LAMB4: variants seen among roughly 807,000 people sequenced by gnomAD.
LAMB4 encodes the protein laminin subunit beta-4.
A neutral mutation model predicts 199.2 loss-of-function variants in LAMB4; 196 were observed. That is an observed-to-expected ratio of 0.98 (90% CI 0.88 to 1.11). LAMB4 has a LOEUF of 1.11. Among genes scored for constraint, LAMB4 ranks in the 50% least tolerant of loss-of-function variants. LAMB4 has a pLI of 0.00. For synonymous variants in LAMB4, 744 were observed against 770.6 expected (o/e 0.97, Z 0.57); for missense variants, 2,080 against 2,171.2 (o/e 0.96, Z 0.83).
chr7:108,084,646 C>A (rs2037093890), intron 14 of LAMB4, among the ~76,000 whole-genome samples: 1 of 152,064 alleles, frequency 6.6e-6, no homozygotes, highest in African/African-American at 2.4e-5. Context: ...AAAGTGAGTG[C>A]AAGGTAAGTG....
chr7:108,106,033 TAAAG>T lies in LAMB4; in HGVS notation c.656-6_656-3del. ...TCAGGTTTGTCAATGTCACAAGGTCTAAAGAAAGGAAAATAATGAATCAAAGTGA... is the reference window on the plus strand; with the variant it reads ...TCAGGTTTGTCAATGTCACAAGGTCTAAAGGAAAATAATGAATCAAAGTGA... On this transcript the variant is annotated splice_region_variant and splice_polypyrimidine_tract_variant and intron_variant, in intron 7 of 33. Transcript: ENST00000388781. The T allele has an allele frequency of 6.2e-7, 1 of 1,609,678 alleles. No individual in the cohort carries two copies. Among genetic ancestry groups the T allele is most frequent in the Non-Finnish European group, 8.5e-7 (1 of 1,176,038 alleles).
chr7:108,110,630 G>T (rs1199758192), intron 4 of LAMB4, among the ~76,000 whole-genome samples: 2 of 152,152 alleles, frequency 1.3e-5, no homozygotes, highest in Non-Finnish European at 2.9e-5. Context: ...AAGGTGCTTG[G>T]TTGAGAATCC....
At chr7:108,050,275 C>G (rs1031753978) in intron 26 of LAMB4, among the ~76,000 whole-genome samples, 1 of 152,126 alleles carries the variant, frequency 6.6e-6, no homozygotes, top group Non-Finnish European at 1.5e-5. Flanking sequence ...TACTATACTT[C>G]CCATCAATTT....
Position 108,023,968 on chromosome 7 carries a change from C to T in LAMB4, c.*71G>A. The T allele has an allele frequency of 7.4e-7, 1 of 1,350,706 alleles. No individual in the cohort carries two copies. Among genetic ancestry groups the T allele is most frequent in the Non-Finnish European group, 1.0e-6 (1 of 996,824 alleles). The allele number at this position is 1,350,706 out of a possible 1,614,324, so 83.7% of individuals were successfully genotyped here. On this transcript the variant is annotated 3_prime_UTR_variant, in exon 34 of 34. Coordinates refer to ENST00000388781, the MANE Select transcript of LAMB4 (RefSeq NM_007356.3). ...AGACATTGTCAGTATTTCACAGGTT[C>T]AACAGAGCCCCAGGGGCTTGTACAT... is the stretch of plus-strand genomic sequence containing the variant.
chr7:108,078,143 G>C, intron 16 of LAMB4, 58 bp downstream of exon 16: 2 of 1,140,538 alleles, frequency 1.8e-6, no homozygotes. Context: ...ACAAATTACT[G>C]ATAAGTGAAC....
rs554725015 is a variant in LAMB4, at chr7:108,090,045, T to A, written c.1701+1581A>T. On this transcript the variant is annotated intron_variant, in intron 14 of 33. Transcript: ENST00000388781. ...CCACTATCTACTAGATGTATGACTT[T>A]GAGTGACTTACCTAACCTCTCTAAT... Among the ~76,000 whole-genome samples, 305 of 152,314 alleles carry A rather than the reference T, an allele frequency of 2.0e-3. No individual in the cohort carries two copies. In the Middle Eastern group the frequency reaches 0.037, roughly 19 times the overall value.
intron 28 of LAMB4, among the ~76,000 whole-genome samples, chr7:108,044,472 A>G (rs548158887): frequency 1.3e-5 from 2 of 152,330 alleles, no homozygotes; most frequent in South Asian, 4.1e-4. Flanking sequence ...AGGCTAGCAA[A>G]CTAGAAGTGC....
chr7:108,096,939 CAAAAAAAAAAAAAAA>C (rs746917278), intron 11 of LAMB4, among the ~76,000 whole-genome samples: 116 of 52,844 alleles, frequency 2.2e-3, no homozygotes, highest in African/African-American at 6.0e-3. Context: ...CTGTCTCTCT[CAAAAAAAAAAAAAAA>C]AAAAAAAAAA....
chr7:108,062,147 A>T (rs2036183674), intron 23 of LAMB4, among the ~76,000 whole-genome samples: 1 of 152,242 alleles, frequency 6.6e-6, no homozygotes, highest in South Asian at 2.1e-4. Context: ...TTTTTTTCCC[A>T]CAAGTAATGT....
intron 14 of LAMB4, 79 bp downstream of exon 14, chr7:108,091,547 C>T (rs193040732): frequency 1.4e-5 from 21 of 1,470,800 alleles, no homozygotes; most frequent in South Asian, 2.7e-5. Context: ...ATCTTAACCA[C>T]GATCTCAAGT....
intron 16 of LAMB4, 24 bp downstream of exon 16, chr7:108,078,176 GT>G: frequency 6.9e-7 from 1 of 1,441,090 alleles, no homozygotes; most frequent in East Asian, 2.3e-5. Context: ...AGCTTTCAAT[GT>G]TTGAGGACCG....
chr7:108,066,395 GC>G lies in LAMB4; in HGVS notation c.2651del (p.Gly884AlafsTer53), dbSNP rs1365488985. The G allele has an allele frequency of 6.2e-6, 10 of 1,613,860 alleles. No homozygotes were observed. Among genetic ancestry groups the G allele is most frequent in the Non-Finnish European group, 7.6e-6 (9 of 1,179,868 alleles). Reference sequence around the variant, plus strand: ...TTTCACAGTTTCTGCCAGTTGTAAAGCCTCCACAATTGAAGCATGACCCTGT... The same window carrying G: ...TTTCACAGTTTCTGCCAGTTGTAAAGCTCCACAATTGAAGCATGACCCTGT... ...PETGSCFNCG[G>X]FTTGRNCERC... On this transcript the variant is annotated frameshift_variant, in exon 20 of 34. Coordinates refer to ENST00000388781, the MANE Select transcript of LAMB4 (RefSeq NM_007356.3). LOFTEE classifies it high-confidence loss of function.
At chr7:108,042,140 A>G (rs2035441685) in intron 29 of LAMB4, among the ~76,000 whole-genome samples, 1 of 152,090 alleles carries the variant, frequency 6.6e-6, no homozygotes, top group Admixed American at 6.6e-5. Flanking sequence ...TAGCCAGGCA[A>G]AGAGAAGCAA....
Position 108,103,234 on chromosome 7 carries a change from T to C in LAMB4, c.992-2A>G. 1.9e-6 allele frequency: 3 copies of C among 1,548,326 alleles called. No homozygotes were observed. Among genetic ancestry groups the C allele is most frequent in the Non-Finnish European group, 1.7e-6 (2 of 1,144,906 alleles). The stretch of plus-strand genomic sequence containing the variant: ...TGGAGTGGCTATTACAGCTGCACGC[T>C]GAAAGGAGAAGACAGTGACTGAGAG... On this transcript the variant is annotated splice_acceptor_variant, in intron 9 of 33. Transcript: ENST00000388781. LOFTEE classifies it high-confidence loss of function.
chr7:108,108,376 A>G (rs2038100089), intron 5 of LAMB4, among the ~76,000 whole-genome samples: 1 of 152,230 alleles, frequency 6.6e-6, no homozygotes, highest in Admixed American at 6.5e-5. Flanking sequence ...GATGGCTTAT[A>G]AATGGAAAAG....
chr7:108,089,195 C>T (rs185782277), intron 14 of LAMB4, among the ~76,000 whole-genome samples: 247 of 152,280 alleles, frequency 1.6e-3, no homozygotes, highest in African/African-American at 5.6e-3. Context: ...CATTCTCTGG[C>T]TCTGGGTGTC....
At chr7:108,108,812 A>C (rs410286) in intron 5 of LAMB4, among the ~76,000 whole-genome samples, 1 of 151,782 alleles carries the variant, frequency 6.6e-6, no homozygotes, top group Non-Finnish European at 1.5e-5. Flanking sequence ...AGACTCTTTT[A>C]ATTTTTCTTT....
intron 14 of LAMB4, among the ~76,000 whole-genome samples, chr7:108,089,312 C>T (rs1034147753): frequency 6.6e-6 from 1 of 152,126 alleles, no homozygotes; most frequent in African/African-American, 2.4e-5. Flanking sequence ...AAAGTTTAGC[C>T]TCTTTAGCAG....
chr7:108,076,689 G>C (rs1436076522), intron 17 of LAMB4, among the ~76,000 whole-genome samples: 1 of 152,074 alleles, frequency 6.6e-6, no homozygotes, highest in Admixed American at 6.6e-5. Context: ...CAGACCACTA[G>C]CTCTGTTCCA....
Sources: allele counts gnomAD v4.1 joint callset (sites outside exome capture counted in the v4.1 genomes callset), GRCh38; gene constraint gnomAD v4.1.1; transcripts MANE v1.5; gene names NCBI Gene and HGNC (gene_info 2026-07-23, HGNC 2026-07-21).